The following CAMK2G variants were observed in gnomAD, a reference collection of about 807,000 sequenced individuals.
The protein encoded by CAMK2G is calcium/calmodulin-dependent protein kinase type II subunit gamma.
In CAMK2G, 23 loss-of-function variants were observed where a neutral mutation model predicts 88.7. That is an observed-to-expected ratio of 0.26 (90% confidence interval 0.19 to 0.37). The LOEUF (loss-of-function observed/expected upper bound fraction) is 0.37, where lower values mean the gene tolerates loss of function less well. Ranked by LOEUF, CAMK2G falls within the 10% of genes least tolerant of loss-of-function variation. The probability of loss-of-function intolerance (pLI) is 1.00; values close to 1 mark genes in which losing one functional copy is unlikely to be tolerated. For missense variants in CAMK2G, 476 were observed against 780.8 expected (o/e 0.61, Z 4.65); for synonymous variants, 263 against 294.8 (o/e 0.89, Z 1.11).
intron 3 of CAMK2G, among the ~76,000 whole-genome samples, chr10:73,855,289 T>C (rs1342606539): frequency 6.6e-6 from 1 of 152,194 alleles, no homozygotes; most frequent in Non-Finnish European, 1.5e-5. Flanking sequence ...TTCCATTTAA[T>C]TAAAAATTTG....
chr10:73,853,557 T>TATG (rs370709881), intron 3 of CAMK2G, among the ~76,000 whole-genome samples: 24 of 152,292 alleles, frequency 1.6e-4, no homozygotes, highest in African/African-American at 5.5e-4. Flanking sequence ...GGTCCTGGGA[T>TATG]ATGATGCACG....
intron 2 of CAMK2G, among the ~76,000 whole-genome samples, chr10:73,871,502 T>C (rs1181771031): frequency 6.6e-6 from 1 of 152,186 alleles, no homozygotes; most frequent in Non-Finnish European, 1.5e-5. Flanking sequence ...GCCCTGTTTC[T>C]GATGCACCAG....
intron 19 of CAMK2G, chr10:73,818,454 T>C: frequency 2.9e-6 from 1 of 342,932 alleles, no homozygotes; most frequent in South Asian, 2.2e-5. Context: ...TGGGTTGAGC[T>C]TGGGCTCATC....
chr10:73,846,705 A>G (rs964051808), intron 10 of CAMK2G: 1 of 152,410 alleles, frequency 6.6e-6, no homozygotes, highest in Non-Finnish European at 1.5e-5. Context: ...AGCTTGAAAG[A>G]ATTGTGTATA....
rs2093361218 is a variant in CAMK2G, at chr10:73,837,502, C to G, written c.1019G>C (p.Ser340Thr). ...GCCATCCGACTTCTTGTTCAATAGG[C>G]TTTTGGCAGCTGTGAAAACAAAGAG... is the stretch of plus-strand genomic sequence containing the variant. ...AAGLAGQAAKSLLNKKSDGGV... is the reference protein window; with the variant it reads ...AAGLAGQAAKTLLNKKSDGGV... The change falls in exon 14 of 23, where the codon AGC becomes ACC. Residue 340 changes from serine to threonine, a missense_variant. Transcript: ENST00000423381. 1 of 1,613,442 alleles carries G rather than the reference C, an allele frequency of 6.2e-7. No individual in the cohort carries two copies. Among genetic ancestry groups the G allele is most frequent in the South Asian group, 1.1e-5 (1 of 91,072 alleles).
At position 73,847,446 on chromosome 10, in the gene CAMK2G, C is replaced by T. The variant is rs1194499432; in HGVS notation, c.697-99G>A. On this transcript the variant is annotated intron_variant, in intron 9 of 22. Coordinates refer to ENST00000423381, the MANE Select transcript of CAMK2G (RefSeq NM_001367534.1). ...ACTCAACTCCTGTAATTGGGATACT[C>T]TGTGGTACCTAAAGCTGTGACTGGC... 18 of 1,299,028 alleles carry T rather than the reference C, an allele frequency of 1.4e-5. No homozygotes were observed. In the Middle Eastern group the frequency reaches 7.5e-4, roughly 54 times the overall value. The allele number at this position is 1,299,028 out of a possible 1,614,324, so 80.5% of individuals were successfully genotyped here.
chr10:73,820,484 A>AT (rs1416596844), intron 18 of CAMK2G, among the ~76,000 whole-genome samples: 40 of 36,084 alleles, frequency 1.1e-3, no homozygotes, highest in African/African-American at 5.0e-3. Context: ...ATATATATAT[A>AT]TATATATATT....
Position 73,820,492 on chromosome 10 carries a change from A to ATATT in CAMK2G, c.1250-848_1250-847insAATA, listed in dbSNP as rs1554995765. ...TATATATATATATATATATATATAT[A>ATATT]TTTTTTTTTTTTTTTTTTTCTTGAG... On this transcript the variant is annotated intron_variant, in intron 18 of 22. Coordinates refer to ENST00000423381, the MANE Select transcript of CAMK2G (RefSeq NM_001367534.1). 5.2e-3 allele frequency among the ~76,000 whole-genome samples: 267 copies of ATATT among 51,036 alleles called. 2 individuals carry two copies. The highest frequency in any genetic ancestry group is 0.016 in the Middle Eastern group (1 of 62). The allele number at this position is 51,036 out of a possible 152,430, so 33.5% of individuals were successfully genotyped here. A position where few individuals can be genotyped will look rare whatever the true frequency, so the allele number is the denominator to read the frequency against.
intron 3 of CAMK2G, among the ~76,000 whole-genome samples, chr10:73,856,642 C>T (rs571145429): frequency 6.6e-5 from 10 of 152,370 alleles, no homozygotes; most frequent in East Asian, 1.9e-4. Flanking sequence ...AATAATCTGA[C>T]ACCCAGCCCA....
At chr10:73,858,560 A>G (rs1565460338) in intron 3 of CAMK2G, among the ~76,000 whole-genome samples, 1 of 152,224 alleles carries the variant, frequency 6.6e-6, no homozygotes, top group South Asian at 2.1e-4. Flanking sequence ...CCTCAACCCC[A>G]GAATCGGTCC....
intron 2 of CAMK2G, among the ~76,000 whole-genome samples, chr10:73,861,433 G>GC (rs1175431288): frequency 2.0e-5 from 3 of 152,172 alleles, no homozygotes; most frequent in Admixed American, 1.3e-4. Context: ...TCAGCTCACT[G>GC]CAACCTTCGC....
chr10:73,863,444 C>A (rs1357219062), intron 2 of CAMK2G, among the ~76,000 whole-genome samples: 1 of 152,192 alleles, frequency 6.6e-6, no homozygotes, highest in African/African-American at 2.4e-5. Flanking sequence ...TTGACATGAC[C>A]CCACCTTCCT....
At chr10:73,852,441 A>T in intron 4 of CAMK2G, 122 bp from the exon 5 acceptor site, 1 of 746,680 alleles carries the variant, frequency 1.3e-6, no homozygotes, top group Admixed American at 2.1e-5. Flanking sequence ...CTCCCCATGC[A>T]TTTCATCTGA....
In CAMK2G at chr10:73,839,421, C is replaced by G. The variant is rs900199660; in HGVS notation, c.1009+118G>C. ...AGTTAGGTAGTCTGTCTGGCATGCCCATCTCAGCCCGCAAGCATGGGACTC... is the reference window on the plus strand; with the variant it reads ...AGTTAGGTAGTCTGTCTGGCATGCCGATCTCAGCCCGCAAGCATGGGACTC... On this transcript the variant is annotated intron_variant, in intron 13 of 22. Coordinates refer to ENST00000423381, the MANE Select transcript of CAMK2G (RefSeq NM_001367534.1). The surrounding 1 kb of genome is among the most constrained non-coding windows in gnomAD (Gnocchi z 4.2). 6.3e-6 allele frequency: 3 copies of G among 477,864 alleles called. No homozygotes were observed. The highest frequency in any genetic ancestry group is 4.4e-5 in the Admixed American group (1 of 22,730). The allele number at this position is 477,864 out of a possible 1,614,324, so 29.6% of individuals were successfully genotyped here. A position where few individuals can be genotyped will look rare whatever the true frequency, so the allele number is the denominator to read the frequency against.
At chr10:73,837,639 A>G (rs943922873) in intron 13 of CAMK2G, 128 bp from the exon 14 acceptor site, 4 of 791,112 alleles carry the variant, frequency 5.1e-6, no homozygotes, top group South Asian at 1.4e-5. Flanking sequence ...GAAACCCCCA[A>G]AAGAGGCACT....
chr10:73,816,193 C>G, intron 21 of CAMK2G: 1 of 985,522 alleles, frequency 1.0e-6, no homozygotes, highest in South Asian at 4.7e-5. Flanking sequence ...CTTCTTATCC[C>G]CTTATTTTCC....
chr10:73,857,783 C>T (rs1479046923), intron 3 of CAMK2G, among the ~76,000 whole-genome samples: 1 of 152,216 alleles, frequency 6.6e-6, no homozygotes, highest in African/African-American at 2.4e-5. Flanking sequence ...CCTCTCAACT[C>T]CCCACCACTG....
intron 5 of CAMK2G, among the ~76,000 whole-genome samples, chr10:73,849,677 C>T (rs574284372): frequency 2.6e-4 from 39 of 152,324 alleles, no homozygotes; most frequent in African/African-American, 8.9e-4. Flanking sequence ...CCAATCCCTT[C>T]CTTCTTTCTC....
intron 4 of CAMK2G, chr10:73,852,716 A>G: frequency 4.0e-6 from 1 of 250,274 alleles, no homozygotes. Flanking sequence ...CCAATGACAC[A>G]GAGACCCAAC....
Sources: allele counts gnomAD v4.1 joint callset (sites outside exome capture counted in the v4.1 genomes callset), GRCh38; gene constraint gnomAD v4.1.1; non-coding constraint Gnocchi (gnomAD v3.1); transcripts MANE v1.5; gene names NCBI Gene and HGNC (gene_info 2026-07-23, HGNC 2026-07-21).